DLGAP2: variants seen among roughly 807,000 people sequenced by gnomAD.
DLGAP2 encodes disks large-associated protein 2.
Under a neutral mutation model 100.3 loss-of-function variants are expected in DLGAP2, and 26 were observed. The observed-to-expected ratio is 0.26, with a 90% confidence interval of 0.19 to 0.36. The LOEUF (loss-of-function observed/expected upper bound fraction) is 0.36. Ranked by LOEUF, DLGAP2 falls within the 10% of genes least tolerant of loss-of-function variation. DLGAP2 has a pLI of 1.00. For synonymous variants in DLGAP2, 886 were observed against 630.1 expected, an observed-to-expected ratio of 1.41 and a Z score of -6.08; for missense variants, 1,858 against 1,453.2, an observed-to-expected ratio of 1.28 and a Z score of -4.53.
At chr8:848,319 A>AG (rs1797109977) in intron 1 of DLGAP2, among the ~76,000 whole-genome samples, 1 of 152,096 alleles carries the variant, frequency 6.6e-6, no homozygotes, top group Non-Finnish European at 1.5e-5. Flanking sequence ...GTTCCAGTAT[A>AG]GGATCGTGCG....
At chr8:1,548,274 A>G (rs1801610066) in intron 4 of DLGAP2, among the ~76,000 whole-genome samples, 2 of 151,916 alleles carry the variant, frequency 1.3e-5, no homozygotes, top group South Asian at 4.2e-4. Context: ...AGCCTGACCA[A>G]CATGGCGAAA....
intron 3 of DLGAP2, among the ~76,000 whole-genome samples, chr8:1,484,310 T>C (rs771035173): frequency 3.9e-5 from 6 of 152,230 alleles, no homozygotes; most frequent in Non-Finnish European, 8.8e-5. Context: ...ATGGCCTTGA[T>C]TTCCAGAATT....
In DLGAP2 at chr8:1,071,836, A is replaced by G. The variant is rs1378731113; in HGVS notation, c.73+163870A>G. On this transcript the variant is annotated intron_variant, in intron 2 of 14. Coordinates refer to ENST00000637795, the MANE Select transcript of DLGAP2 (RefSeq NM_001346810.2). ...ACTTAATCACCCAGTTATTTAGTCA[A>G]ACATTTAAAAAGTGACATGTCCTTC... is the stretch of plus-strand genomic sequence containing the variant. 2.6e-5 allele frequency among the ~76,000 whole-genome samples: 4 copies of G among 152,232 alleles called. 1 individual carries two copies. Among genetic ancestry groups the G allele is most frequent in the Admixed American group, 2.6e-4 (4 of 15,286 alleles).
chr8:756,389 CT>C (rs1379880549), intron 1 of DLGAP2, among the ~76,000 whole-genome samples: 5 of 152,186 alleles, frequency 3.3e-5, no homozygotes, highest in Non-Finnish European at 7.3e-5. Flanking sequence ...AACCATGGAG[CT>C]GACATTGAGA....
intron 2 of DLGAP2, among the ~76,000 whole-genome samples, chr8:1,144,849 G>A (rs1442758933): frequency 5.3e-5 from 8 of 151,406 alleles, no homozygotes; most frequent in Admixed American, 6.6e-5. Context: ...CAGTCAGACC[G>A]CAGACGGCCT....
Position 835,113 on chromosome 8 carries a change from AG to A in DLGAP2, c.19-72792del, listed in dbSNP as rs1220463543. Among the ~76,000 whole-genome samples, 18 of 152,182 alleles carry A rather than the reference AG, an allele frequency of 1.2e-4. No individual in the cohort carries two copies. The East Asian group carries it at 3.3e-3, about 28-fold the overall frequency. ...TGTTAATGTGCATGGGTGTTTGTGG[AG>A]GGGGGGCTGCTTTCATATGGATGGA... On this transcript the variant is annotated intron_variant, in intron 1 of 14. Transcript: ENST00000637795.
intron 3 of DLGAP2, among the ~76,000 whole-genome samples, chr8:1,411,947 G>A (rs7828600): frequency 0.27 from 41,128 of 152,038 alleles, 5,711 homozygotes; most frequent in East Asian, 0.35. Context: ...TATCCTCCAC[G>A]TTCAGACACA....
At chr8:900,890 T>A (rs1325500131) in intron 1 of DLGAP2, among the ~76,000 whole-genome samples, 1 of 152,150 alleles carries the variant, frequency 6.6e-6, no homozygotes, top group Non-Finnish European at 1.5e-5. Flanking sequence ...GACAGCTGAA[T>A]AATAGAAGTT....
intron 8 of DLGAP2, among the ~76,000 whole-genome samples, chr8:1,663,587 C>T (rs1798469327): frequency 6.6e-6 from 1 of 152,162 alleles, no homozygotes; most frequent in Admixed American, 6.5e-5. Flanking sequence ...TCCCTGTCCA[C>T]AGATTTTGCA....
chr8:989,846 C>T (rs771485855), intron 2 of DLGAP2, among the ~76,000 whole-genome samples: 8 of 152,238 alleles, frequency 5.3e-5, no homozygotes, highest in Non-Finnish European at 7.4e-5. Flanking sequence ...GGAAGTCTCT[C>T]ATGACACCAG....
intron 8 of DLGAP2, among the ~76,000 whole-genome samples, chr8:1,656,483 G>A (rs544168364): frequency 3.3e-5 from 5 of 152,236 alleles, no homozygotes; most frequent in South Asian, 2.1e-4. Context: ...CCACCACTGC[G>A]TATTTGTCAA....
intron 2 of DLGAP2, among the ~76,000 whole-genome samples, chr8:1,076,382 C>T (rs768580736): frequency 5.9e-5 from 9 of 152,196 alleles, no homozygotes; most frequent in Non-Finnish European, 8.8e-5. Context: ...TCCCCGTCTC[C>T]GAGCCTCAGT....
chr8:911,677 T>G (rs773342844), intron 2 of DLGAP2, among the ~76,000 whole-genome samples: 3 of 151,620 alleles, frequency 2.0e-5, no homozygotes, highest in Non-Finnish European at 4.4e-5. Flanking sequence ...GATGCGTATA[T>G]AATGTATGTT....
At chr8:1,220,954 G>A (rs1488224046) in intron 2 of DLGAP2, among the ~76,000 whole-genome samples, 2 of 152,100 alleles carry the variant, frequency 1.3e-5, no homozygotes, top group African/African-American at 4.8e-5. Context: ...TTGCTTGATA[G>A]ATCTTTCTCC....
intron 8 of DLGAP2, among the ~76,000 whole-genome samples, chr8:1,640,500 G>T (rs117003312): frequency 0.036 from 5,411 of 152,248 alleles, 138 homozygotes; most frequent in South Asian, 0.06. Context: ...CTTCCCAGCC[G>T]CTCAGGATGT....
chr8:1,455,120 G>T (rs1798271852), intron 3 of DLGAP2, among the ~76,000 whole-genome samples: 1 of 152,238 alleles, frequency 6.6e-6, no homozygotes, highest in Admixed American at 6.5e-5. Flanking sequence ...GCAATGTAAT[G>T]AGCTCATGGC....
At chr8:1,609,950 C>T (rs1796941067) in intron 6 of DLGAP2, among the ~76,000 whole-genome samples, 1 of 151,078 alleles carries the variant, frequency 6.6e-6, no homozygotes, top group African/African-American at 2.4e-5. Flanking sequence ...GAGACTTTAA[C>T]ACCCCACTGT....
At chr8:869,961 G>A (rs1797566902) in intron 1 of DLGAP2, among the ~76,000 whole-genome samples, 1 of 151,478 alleles carries the variant, frequency 6.6e-6, no homozygotes, top group Non-Finnish European at 1.5e-5. Context: ...CTTCAGGAGA[G>A]CAGGGCCATT....
chr8:1,522,611 T>C (rs1014820698), intron 4 of DLGAP2, among the ~76,000 whole-genome samples: 2 of 152,158 alleles, frequency 1.3e-5, no homozygotes, highest in African/African-American at 2.4e-5. Context: ...CATGTGGCCA[T>C]TGCAAGGATT....
Sources: gnomAD v4.1 joint callset for allele counts (sites outside exome capture counted in the v4.1 genomes callset) on GRCh38, gnomAD v4.1.1 for gene constraint, MANE v1.5 for transcripts, NCBI Gene and HGNC (gene_info 2026-07-23, HGNC 2026-07-21) for gene names.